The following MYO18B variants were observed in gnomAD, a reference collection of about 807,000 sequenced individuals.
MYO18B encodes the protein myosin XVIIIB.
MYO18B carries 204 observed loss-of-function variants against 273.0 expected under a neutral mutation model. The ratio of observed to expected loss-of-function variants is 0.75; its 90% CI spans 0.67 to 0.84. The LOEUF is 0.84. MYO18B is among the 40% of genes least tolerant of loss of function. The pLI is 0.00. For missense variants in MYO18B, 3,212 were observed against 3,287.6 expected (o/e 0.98, Z 0.56); for synonymous variants, 1,330 against 1,305.7 (o/e 1.02, Z -0.40).
intron 34 of MYO18B, among the ~76,000 whole-genome samples, chr22:25,943,713 T>C (rs2092671926): frequency 1.3e-4 from 1 of 7,834 alleles, no homozygotes; most frequent in East Asian, 6.0e-4. Context: ...TTTCTTTCCT[T>C]TTTTTTTTTT....
chr22:25,982,297 G>A lies in MYO18B; in HGVS notation c.6157-10066G>A, dbSNP rs1601748642. ...CTGCCAACAGCTAGTGAGGAAGTGA[G>A]GCCTCCAGCCAGTAGCCACATCAGT... is the stretch of plus-strand genomic sequence containing the variant. On this transcript the variant is annotated intron_variant, in intron 39 of 43. Transcript: ENST00000335473. Among the ~76,000 whole-genome samples, 4 of 152,278 alleles carry A rather than the reference G, an allele frequency of 2.6e-5. No individual in the cohort carries two copies. The South Asian group carries it at 8.3e-4, about 32-fold the overall frequency.
chr22:25,891,814 C>G (rs959239991), intron 27 of MYO18B, among the ~76,000 whole-genome samples: 1 of 152,074 alleles, frequency 6.6e-6, no homozygotes, highest in African/African-American at 2.4e-5. Context: ...AGTGCTTGAG[C>G]TCAGGAGTTC....
intron 13 of MYO18B, 141 bp downstream of exon 13, chr22:25,823,819 C>T (rs2089382092): frequency 2.3e-6 from 2 of 877,986 alleles, no homozygotes; most frequent in Admixed American, 4.7e-5. Flanking sequence ...GCAGGGGAAG[C>T]CATCGTGGGT....
At chr22:25,919,118 C>T (rs1288240518) in intron 33 of MYO18B, among the ~76,000 whole-genome samples, 3 of 152,252 alleles carry the variant, frequency 2.0e-5, no homozygotes, top group South Asian at 2.1e-4. Context: ...CTTGCCTCTC[C>T]GCCTTTGCTC....
intron 1 of MYO18B, chr22:25,756,554 T>C (rs1432763151): frequency 6.6e-6 from 1 of 152,246 alleles, no homozygotes; most frequent in African/African-American, 2.4e-5. Context: ...AAGTTATGAA[T>C]TAGGCTTTGC....
At chr22:25,791,187 A>G (rs927248866) in intron 11 of MYO18B, among the ~76,000 whole-genome samples, 3 of 152,064 alleles carry the variant, frequency 2.0e-5, no homozygotes, top group African/African-American at 4.8e-5. Flanking sequence ...GTGGAGGTGT[A>G]TGTAGGCTGA....
At chr22:26,033,225 T>G (rs959469258), downstream of MYO18B, among the ~76,000 whole-genome samples, 1 of 152,184 alleles carries the variant, frequency 6.6e-6, no homozygotes, top group African/African-American at 2.4e-5. Context: ...TATTATTTAT[T>G]CAGTCCGTAT....
Position 25,768,791 on chromosome 22 carries a change from C to G in MYO18B, c.875C>G (p.Thr292Arg). 5 of 1,609,558 alleles carry G rather than the reference C, an allele frequency of 3.1e-6. No homozygotes were observed. Among genetic ancestry groups the G allele is most frequent in the Non-Finnish European group, 4.2e-6 (5 of 1,177,878 alleles). The change falls in exon 4 of 44, where the codon ACG becomes AGG. Residue 292 changes from threonine to arginine, a missense_variant. By Grantham distance (71) the Thr-to-Arg change is moderately conservative (BLOSUM62 -1). Coordinates refer to ENST00000335473, the MANE Select transcript of MYO18B (RefSeq NM_032608.7). ...AEKEGAEPTN[T>R]VEKGNVSKDV... ...AAGGAGGGAGCAGAGCCCACAAACA[C>G]GGTGGAAAAGGGGAATGTCTCTAAG...
At chr22:25,825,110 A>G (rs947369033) in intron 13 of MYO18B, among the ~76,000 whole-genome samples, 1 of 152,172 alleles carries the variant, frequency 6.6e-6, no homozygotes, top group African/African-American at 2.4e-5. Context: ...CACAAACACC[A>G]CACACATACT....
At position 25,768,718 on chromosome 22, in the gene MYO18B, C is replaced by T. The variant is rs998625137; in HGVS notation, c.802C>T (p.Pro268Ser). The T allele has an allele frequency of 1.3e-6, 2 of 1,587,938 alleles. No homozygotes were observed. Among genetic ancestry groups the T allele is most frequent in the Admixed American group, 1.8e-5 (1 of 56,812 alleles). The stretch of plus-strand genomic sequence containing the variant: ...GGGCAAAGACAGGCAGGGGACCAGG[C>T]CCCAAGCCCAAGGGCCCGGCGAGGG... ...PQGKDRQGTR[P>S]QAQGPGEGVR... The change falls in exon 4 of 44, where the codon CCC becomes TCC. Residue 268 changes from proline to serine, a missense_variant. Coordinates refer to ENST00000335473, the MANE Select transcript of MYO18B (RefSeq NM_032608.7).
intron 11 of MYO18B, among the ~76,000 whole-genome samples, chr22:25,790,407 C>T (rs1440900428): frequency 1.3e-5 from 2 of 152,228 alleles, no homozygotes; most frequent in Non-Finnish European, 2.9e-5. Flanking sequence ...CCATCTCCGA[C>T]TCCCAAACCT....
chr22:25,774,916 C>T lies in MYO18B; in HGVS notation c.1869+2406C>T, dbSNP rs533442583. On this transcript the variant is annotated intron_variant, in intron 7 of 43. Coordinates refer to ENST00000335473, the MANE Select transcript of MYO18B (RefSeq NM_032608.7). ...GGATCCCATCTCTGTGTGCAGAGCC[C>T]GCCGCAACTGTTGCGTGCATGTGCC... is the stretch of plus-strand genomic sequence containing the variant. 1.2e-4 allele frequency among the ~76,000 whole-genome samples: 19 copies of T among 152,340 alleles called. No homozygotes were observed. In the South Asian group the frequency reaches 2.5e-3, roughly 20 times the overall value.
intron 12 of MYO18B, among the ~76,000 whole-genome samples, chr22:25,800,219 A>G (rs1363172996): frequency 6.6e-6 from 1 of 152,072 alleles, no homozygotes; most frequent in Non-Finnish European, 1.5e-5. Context: ...ATAAAACACT[A>G]CATATTTGGT....
Position 25,843,823 on chromosome 22 carries a change from G to A in MYO18B, c.3297G>A (p.Thr1099=), listed in dbSNP as rs369215277. Residue 1099 remains threonine (T), a synonymous_variant, in exon 18 of 44, where the codon ACG becomes ACA. Coordinates refer to ENST00000335473, the MANE Select transcript of MYO18B (RefSeq NM_032608.7). ...GGGACCCTGTGCGGTACGACCTCAC[G>A]GGCTGGCTCCACAGAGCCAAGCCCA... ...LGWDPVRYDL[T]GWLHRAKPNL... 7.6e-5 allele frequency: 122 copies of A among 1,613,820 alleles called. No individual in the cohort carries two copies. The highest frequency in any genetic ancestry group is 9.2e-5 in the Non-Finnish European group (108 of 1,179,746).
At chr22:25,772,906 A>C (rs1914012531) in intron 7 of MYO18B, among the ~76,000 whole-genome samples, 1 of 152,192 alleles carries the variant, frequency 6.6e-6, no homozygotes, top group South Asian at 2.1e-4. Flanking sequence ...GGCCAGGCGC[A>C]GGCTAAACTC....
At chr22:25,984,297 T>G (rs1247837878) in intron 39 of MYO18B, among the ~76,000 whole-genome samples, 1 of 152,222 alleles carries the variant, frequency 6.6e-6, no homozygotes, top group Non-Finnish European at 1.5e-5. Flanking sequence ...TCCTGCTGTT[T>G]GTGATGTTAG....
intron 39 of MYO18B, among the ~76,000 whole-genome samples, chr22:25,956,192 T>G (rs1470602669): frequency 6.6e-6 from 1 of 150,654 alleles, no homozygotes; most frequent in East Asian, 1.9e-4. Flanking sequence ...ATATTTTGTC[T>G]CCAGGATGGA....
chr22:25,866,725 G>A lies in MYO18B; in HGVS notation c.3886-1595G>A, dbSNP rs896403145. ...GTGGTGGCACATGCCTGTAGTCCCA[G>A]CTACTTGGGAGGCTGGGGCAGGAGA... is the stretch of plus-strand genomic sequence containing the variant. On this transcript the variant is annotated intron_variant, in intron 21 of 43. Coordinates refer to ENST00000335473, the MANE Select transcript of MYO18B (RefSeq NM_032608.7). Among the ~76,000 whole-genome samples, 6 of 142,834 alleles carry A rather than the reference G, an allele frequency of 4.2e-5. No homozygotes were observed. The South Asian group carries it at 1.3e-3, about 32-fold the overall frequency. 93.7% of individuals were successfully genotyped at this position (142,834 alleles called of 152,430 possible). A position where few individuals can be genotyped will look rare whatever the true frequency, so the allele number is the denominator to read the frequency against.
chr22:25,990,762 G>T (rs1266036565), intron 39 of MYO18B, among the ~76,000 whole-genome samples: 4 of 142,158 alleles, frequency 2.8e-5, no homozygotes, highest in African/African-American at 1.1e-4. Flanking sequence ...GAGAGGGGCT[G>T]TGAGCCATTC....
Sources: allele counts gnomAD v4.1 joint callset (sites outside exome capture counted in the v4.1 genomes callset), GRCh38; gene constraint gnomAD v4.1.1; transcripts MANE v1.5; gene names NCBI Gene and HGNC (gene_info 2026-07-23, HGNC 2026-07-21).